Variants in TRPM3 observed in about 807,000 individuals in gnomAD.
TRPM3 encodes the protein transient receptor potential cation channel subfamily M member 3, also known as long transient receptor potential channel 3.
A neutral mutation model predicts 181.2 loss-of-function variants in TRPM3; 77 were observed. The ratio of observed to expected loss-of-function variants is 0.42; its 90% confidence interval spans 0.35 to 0.51. The LOEUF (loss-of-function observed/expected upper bound fraction) is 0.51, where lower values mean the gene tolerates loss of function less well. TRPM3 is among the 20% of genes least tolerant of loss of function. The probability of loss-of-function intolerance (pLI) is 0.01; values close to 1 mark genes in which losing one functional copy is unlikely to be tolerated. For synonymous variants in TRPM3, 745 were observed against 796.4 expected, an observed-to-expected ratio of 0.94 and a Z score of 1.09; for missense variants, 1,759 against 2,196.7, an observed-to-expected ratio of 0.80 and a Z score of 3.98.
intron 1 of TRPM3, among the ~76,000 whole-genome samples, chr9:71,026,370 G>T (rs2056496346): frequency 6.6e-6 from 1 of 152,140 alleles, no homozygotes; most frequent in African/African-American, 2.4e-5. Context: ...CATCATAGCT[G>T]CTGTGCTGGC....
chr9:71,048,996 C>G (rs2059772425), intron 1 of TRPM3, among the ~76,000 whole-genome samples: 1 of 152,178 alleles, frequency 6.6e-6, no homozygotes, highest in South Asian at 2.1e-4. Context: ...TCATTCCCTT[C>G]AAACTCACAT....
chr9:71,438,859 C>A (rs1589032222), intron 1 of TRPM3, among the ~76,000 whole-genome samples: 1 of 152,148 alleles, frequency 6.6e-6, no homozygotes, highest in East Asian at 1.9e-4. Context: ...GTTTATTACA[C>A]CATTGCCTCT....
At chr9:71,043,960 C>A (rs1239391599) in intron 1 of TRPM3, among the ~76,000 whole-genome samples, 1 of 152,030 alleles carries the variant, frequency 6.6e-6, no homozygotes, top group Non-Finnish European at 1.5e-5. Flanking sequence ...TGAGACTTCC[C>A]CTGCTTATTT....
intron 6 of TRPM3, among the ~76,000 whole-genome samples, chr9:70,820,513 G>A (rs759888070): frequency 3.3e-5 from 5 of 152,190 alleles, no homozygotes; most frequent in Non-Finnish European, 7.3e-5. Flanking sequence ...ACAGGCGTAA[G>A]CCATTGCGCC....
At chr9:71,152,938 G>A (rs182904941) in intron 1 of TRPM3, among the ~76,000 whole-genome samples, 1 of 152,264 alleles carries the variant, frequency 6.6e-6, no homozygotes. Flanking sequence ...AGGAAAGACT[G>A]CAAGTTGATT....
intron 1 of TRPM3, among the ~76,000 whole-genome samples, chr9:71,198,434 T>C (rs1034906995): frequency 6.6e-5 from 10 of 152,200 alleles, no homozygotes; most frequent in Admixed American, 2.0e-4. Context: ...TTCATGGGGA[T>C]GGCATTAAAT....
intron 1 of TRPM3, among the ~76,000 whole-genome samples, chr9:71,036,884 A>G (rs578224563): frequency 4.6e-4 from 70 of 152,330 alleles, no homozygotes; most frequent in Admixed American, 2.3e-3. Flanking sequence ...ACACATTTCA[A>G]AGACACAAAT....
chr9:71,032,076 AT>A (rs1283196586), intron 1 of TRPM3, among the ~76,000 whole-genome samples: 5 of 10,934 alleles, frequency 4.6e-4, no homozygotes, highest in South Asian at 3.4e-3. Context: ...ATTATATTAT[AT>A]TATATATATA....
At chr9:70,975,769 A>G (rs1348513507) in intron 1 of TRPM3, among the ~76,000 whole-genome samples, 1 of 152,208 alleles carries the variant, frequency 6.6e-6, no homozygotes, top group Non-Finnish European at 1.5e-5. Context: ...TGGAAGGAAC[A>G]TACTCGTTGG....
intron 1 of TRPM3, among the ~76,000 whole-genome samples, chr9:71,064,563 G>A (rs1437698875): frequency 6.6e-6 from 1 of 151,942 alleles, no homozygotes; most frequent in East Asian, 1.9e-4. Flanking sequence ...TTATAGGCAT[G>A]AGCCACTACA....
chr9:70,818,588 T>C (rs1254161950), intron 6 of TRPM3, among the ~76,000 whole-genome samples: 2 of 152,186 alleles, frequency 1.3e-5, no homozygotes, highest in Non-Finnish European at 2.9e-5. Flanking sequence ...GCCTGAAACA[T>C]ATAAAGCAGT....
chr9:71,342,762 T>C (rs1206087657), intron 1 of TRPM3, among the ~76,000 whole-genome samples: 1 of 152,118 alleles, frequency 6.6e-6, no homozygotes, highest in African/African-American at 2.4e-5. Flanking sequence ...CTGCACAACA[T>C]ATTTGTAGCA....
rs761753733 is a variant in TRPM3, at chr9:70,618,820, C to G, written c.2358+47G>C. 2.6e-6 allele frequency: 4 copies of G among 1,552,442 alleles called. No individual in the cohort carries two copies. The East Asian group carries it at 9.0e-5, about 35-fold the overall frequency. The stretch of plus-strand genomic sequence containing the variant: ...GATTTTGGCTGGGAAAACTCTAACC[C>G]ACCCGCCGGTCCTCATAGCCAGGAG... On this transcript the variant is annotated intron_variant, in intron 17 of 25. Coordinates refer to ENST00000677713, the MANE Select transcript of TRPM3 (RefSeq NM_001366145.2).
chr9:71,227,878 T>C (rs545566812), intron 1 of TRPM3, among the ~76,000 whole-genome samples: 2 of 152,178 alleles, frequency 1.3e-5, no homozygotes, highest in African/African-American at 4.8e-5. Context: ...TGGGACCCGA[T>C]GACTTCACTA....
intron 22 of TRPM3, among the ~76,000 whole-genome samples, chr9:70,575,272 C>T (rs2053639378): frequency 6.6e-6 from 1 of 152,122 alleles, no homozygotes; most frequent in African/African-American, 2.4e-5. Context: ...GCTCCTGCAT[C>T]TACCTGGAGC....
At chr9:70,937,461 T>C (rs1251699803) in intron 1 of TRPM3, among the ~76,000 whole-genome samples, 1 of 152,232 alleles carries the variant, frequency 6.6e-6, no homozygotes, top group Non-Finnish European at 1.5e-5. Context: ...AATATTTTAT[T>C]TCATTCTTGC....
intron 5 of TRPM3, among the ~76,000 whole-genome samples, chr9:70,835,907 C>A (rs1038337155): frequency 1.3e-5 from 2 of 152,028 alleles, no homozygotes; most frequent in Non-Finnish European, 2.9e-5. Flanking sequence ...ACATCCATCA[C>A]CAGTTATAGA....
At chr9:70,559,137 C>A (rs1588391308) in intron 22 of TRPM3, among the ~76,000 whole-genome samples, 1 of 152,178 alleles carries the variant, frequency 6.6e-6, no homozygotes, top group Non-Finnish European at 1.5e-5. Context: ...ATAAGCCTCA[C>A]AGGGCAAGAT....
At chr9:70,787,997 C>T (rs527564156) in intron 6 of TRPM3, among the ~76,000 whole-genome samples, 36 of 136,140 alleles carry the variant, frequency 2.6e-4, no homozygotes, top group Admixed American at 5.8e-4. Context: ...TACTCTCTCA[C>T]TATCCTGACT....
Sources: allele counts gnomAD v4.1 joint callset (sites outside exome capture counted in the v4.1 genomes callset), GRCh38; gene constraint gnomAD v4.1.1; transcripts MANE v1.5; gene names NCBI Gene and HGNC (gene_info 2026-07-23, HGNC 2026-07-21).